Variants in DTWD2 observed in about 807,000 individuals in gnomAD.
The protein encoded by DTWD2 is DTW motif tRNA-uridine aminocarboxypropyltransferase 2.
In DTWD2, 39 loss-of-function variants were observed where a neutral mutation model predicts 31.8. That is an observed-to-expected ratio of 1.22 (90% CI 0.95 to 1.60). The LOEUF (loss-of-function observed/expected upper bound fraction) is 1.60, where lower values mean the gene tolerates loss of function less well. Among genes scored for constraint, DTWD2 ranks in the 40% most tolerant of loss-of-function variants. The probability of loss-of-function intolerance (pLI) is 0.00; values close to 1 mark genes in which losing one functional copy is unlikely to be tolerated. For synonymous variants in DTWD2, 180 were observed against 142.8 expected (o/e 1.26, Z -1.86); for missense variants, 515 against 381.5 (o/e 1.35, Z -2.92).
At chr5:118,879,156 T>C (rs1393842691) in intron 4 of DTWD2, among the ~76,000 whole-genome samples, 1 of 152,146 alleles carries the variant, frequency 6.6e-6, no homozygotes, top group Non-Finnish European at 1.5e-5. Context: ...CAATGGAATA[T>C]AAATCATTCT....
intron 4 of DTWD2, among the ~76,000 whole-genome samples, chr5:118,918,816 T>C (rs1477101908): frequency 6.0e-5 from 9 of 149,464 alleles, no homozygotes; most frequent in Non-Finnish European, 1.2e-4. Flanking sequence ...GGTAAGACCC[T>C]GTCTCTACCA....
intron 1 of DTWD2, among the ~76,000 whole-genome samples, chr5:118,957,640 C>T (rs1754616423): frequency 6.6e-6 from 1 of 152,036 alleles, no homozygotes; most frequent in Non-Finnish European, 1.5e-5. Flanking sequence ...ATTGGGCAGC[C>T]TCCCACAAAG....
In DTWD2 at chr5:118,921,498, C is replaced by A. The variant is rs549754568; in HGVS notation, c.597+7039G>T. ...TCACACCCGTGTACTCCAGTCTAGG[C>A]AACAGAGCAAGACCCCATCTCTTAA... On this transcript the variant is annotated intron_variant, in intron 4 of 5. Coordinates refer to ENST00000510708, the MANE Select transcript of DTWD2 (RefSeq NM_173666.4). 4.4e-3 allele frequency among the ~76,000 whole-genome samples: 619 copies of A among 140,356 alleles called. 8 individuals carry two copies. Among genetic ancestry groups the A allele is most frequent in the East Asian group, 0.031 (151 of 4,916 alleles). The allele number at this position is 140,356 out of a possible 152,430, so 92.1% of individuals were successfully genotyped here.
intron 4 of DTWD2, among the ~76,000 whole-genome samples, chr5:118,859,584 G>A (rs959691091): frequency 2.0e-5 from 3 of 152,060 alleles, no homozygotes; most frequent in Non-Finnish European, 4.4e-5. Flanking sequence ...CTTTGCCCCA[G>A]CACCAATAAT....
intron 1 of DTWD2, among the ~76,000 whole-genome samples, chr5:118,961,445 T>G (rs988480769): frequency 2.6e-5 from 4 of 152,240 alleles, no homozygotes; most frequent in African/African-American, 9.6e-5. Context: ...CTTAATTCAC[T>G]ATATGTTCTA....
At chr5:118,908,015 T>C (rs1753372200) in intron 4 of DTWD2, among the ~76,000 whole-genome samples, 1 of 152,204 alleles carries the variant, frequency 6.6e-6, no homozygotes, top group Non-Finnish European at 1.5e-5. Context: ...CACATAAAAC[T>C]AACCATCACT....
At position 118,836,560 on chromosome 5, in the gene DTWD2, G is replaced by A. The variant is rs1197100954; in HGVS notation, c.*4357C>T. 6.6e-6 allele frequency among the ~76,000 whole-genome samples: 1 copy of A among 152,156 alleles called. No homozygotes were observed. The highest frequency in any genetic ancestry group is 2.4e-5 in the African/African-American group (1 of 41,436). On this transcript the variant is annotated 3_prime_UTR_variant, in exon 6 of 6. Transcript: ENST00000510708. ...CTCAAGTGAATAATTCTTAAAAATT[G>A]AAAAACAATTACTTATTTCTCTAAT...
intron 4 of DTWD2, among the ~76,000 whole-genome samples, chr5:118,866,465 C>T (rs1319779045): frequency 1.3e-5 from 2 of 152,142 alleles, no homozygotes; most frequent in East Asian, 3.9e-4. Context: ...CAAATTGAAT[C>T]CAGCAGTGTG....
chr5:118,965,423 T>C (rs1371241344), intron 1 of DTWD2, among the ~76,000 whole-genome samples: 2 of 151,670 alleles, frequency 1.3e-5, no homozygotes, highest in Admixed American at 6.6e-5. Flanking sequence ...GTCTGGGAGG[T>C]GTATCCAACA....
chr5:118,896,156 T>G (rs1487015971), intron 4 of DTWD2, among the ~76,000 whole-genome samples: 1 of 152,134 alleles, frequency 6.6e-6, no homozygotes, highest in African/African-American at 2.4e-5. Flanking sequence ...GATTCAAGGA[T>G]TTTTCATGTT....
chr5:118,981,071 CATT>C (rs1320687252), intron 1 of DTWD2, among the ~76,000 whole-genome samples: 1 of 152,146 alleles, frequency 6.6e-6, no homozygotes, highest in East Asian at 1.9e-4. Context: ...ACCTTGAAAA[CATT>C]ATACTCGGTG....
At chr5:118,942,362 T>A (rs952856430) in intron 2 of DTWD2, among the ~76,000 whole-genome samples, 2 of 151,378 alleles carry the variant, frequency 1.3e-5, no homozygotes, top group Non-Finnish European at 2.9e-5. Flanking sequence ...AAAATAATAA[T>A]AATAGAAAAT....
intron 1 of DTWD2, among the ~76,000 whole-genome samples, chr5:118,946,160 A>G (rs917459805): frequency 2.0e-5 from 3 of 152,068 alleles, no homozygotes; most frequent in Non-Finnish European, 2.9e-5. Flanking sequence ...ATTATACATG[A>G]CTCCACCTCC....
rs1554072595 is a variant in DTWD2, at chr5:118,985,517, T to TATATAC, written c.218+2776_218+2777insGTATAT. Among the ~76,000 whole-genome samples the TATATAC allele has an allele frequency of 4.9e-3, 531 of 107,700 alleles. 8 individuals carry two copies. Among genetic ancestry groups the TATATAC allele is most frequent in the African/African-American group, 0.013 (411 of 31,218 alleles). 70.7% of individuals were successfully genotyped at this position (107,700 alleles called of 152,430 possible). A position where few individuals can be genotyped will look rare whatever the true frequency, so the allele number is the denominator to read the frequency against. On this transcript the variant is annotated intron_variant, in intron 1 of 5. Coordinates refer to ENST00000510708, the MANE Select transcript of DTWD2 (RefSeq NM_173666.4). ...ATATATATATATATATATATATATA[T>TATATAC]ACACACACATATATACATACATATA...
intron 3 of DTWD2, among the ~76,000 whole-genome samples, chr5:118,929,327 T>C (rs1049164148): frequency 3.3e-5 from 5 of 152,232 alleles, no homozygotes; most frequent in African/African-American, 1.2e-4. Flanking sequence ...TTTAGGAGTA[T>C]GCACCTGTAA....
intron 1 of DTWD2, among the ~76,000 whole-genome samples, chr5:118,986,008 T>C (rs567840969): frequency 2.0e-5 from 3 of 152,294 alleles, no homozygotes; most frequent in African/African-American, 7.2e-5. Context: ...TTGTATTTCA[T>C]AGCCTATCAC....
intron 4 of DTWD2, among the ~76,000 whole-genome samples, chr5:118,914,449 C>T (rs1222479015): frequency 1.3e-5 from 2 of 152,106 alleles, no homozygotes; most frequent in African/African-American, 2.4e-5. Flanking sequence ...TACAACAGCA[C>T]AAACCAACCA....
chr5:118,931,585 G>A (rs1753925876), intron 3 of DTWD2, among the ~76,000 whole-genome samples: 1 of 152,010 alleles, frequency 6.6e-6, no homozygotes, highest in African/African-American at 2.4e-5. Flanking sequence ...TTCACAACAT[G>A]TAAGGCAAAA....
At chr5:118,957,803 C>A (rs1220278508) in intron 1 of DTWD2, among the ~76,000 whole-genome samples, 1 of 152,070 alleles carries the variant, frequency 6.6e-6, no homozygotes, top group African/African-American at 2.4e-5. Context: ...GGGAATCTCA[C>A]CCGAAATATA....
Sources: gnomAD v4.1 joint callset for allele counts (sites outside exome capture counted in the v4.1 genomes callset) on GRCh38, gnomAD v4.1.1 for gene constraint, MANE v1.5 for transcripts, NCBI Gene and HGNC (gene_info 2026-07-23, HGNC 2026-07-21) for gene names.